The following COL14A1 variants were observed in gnomAD, a reference collection of about 807,000 sequenced individuals.
COL14A1 encodes the protein collagen alpha-1(XIV) chain.
In COL14A1, 136 loss-of-function variants were observed where a neutral mutation model predicts 230.3. That is an observed-to-expected ratio of 0.59 (90% CI 0.51 to 0.68). COL14A1 has a LOEUF of 0.68. COL14A1 is among the 30% of genes least tolerant of loss of function. The pLI is 0.00. For missense variants in COL14A1, 1,976 were observed against 2,215.8 expected (o/e 0.89, Z 2.17); for synonymous variants, 792 against 784.1 (o/e 1.01, Z -0.17).
At chr8:120,224,023 C>CTTTTTTTTTTTTTTTTTTTT (rs962510256) in intron 14 of COL14A1, among the ~76,000 whole-genome samples, 2 of 78,252 alleles carry the variant, frequency 2.6e-5, no homozygotes, top group Non-Finnish European at 2.2e-5. Context: ...CCCTCATCTC[C>CTTTTTTTTTTTTTTTTTTTT]TTTTTTTTTT....
intron 14 of COL14A1, among the ~76,000 whole-genome samples, chr8:120,216,743 T>C (rs1277198736): frequency 1.3e-5 from 2 of 152,156 alleles, no homozygotes; most frequent in Non-Finnish European, 2.9e-5. Flanking sequence ...TACTCATGTA[T>C]CTGGTGCCTG....
chr8:120,371,619 T>C lies in COL14A1; in HGVS notation c.*388T>C. ...AAATATGTCCCTAGCAGGAAAAGAA[T>C]TCAAAGAGGTTCAAAGAATATGTCA... is the stretch of plus-strand genomic sequence containing the variant. On this transcript the variant is annotated 3_prime_UTR_variant, in exon 48 of 48. Coordinates refer to ENST00000297848, the MANE Select transcript of COL14A1 (RefSeq NM_021110.4). The C allele has an allele frequency of 2.5e-6, 1 of 398,562 alleles. No homozygotes were observed. Among genetic ancestry groups the C allele is most frequent in the Non-Finnish European group, 4.4e-6 (1 of 225,864 alleles). 24.7% of individuals were successfully genotyped at this position (398,562 alleles called of 1,614,324 possible).
At chr8:120,248,917 C>CTTT (rs71571673) in intron 21 of COL14A1, among the ~76,000 whole-genome samples, 5,000 of 84,156 alleles carry the variant, frequency 0.059, 1,126 homozygotes, top group Non-Finnish European at 0.07. Flanking sequence ...TTCAATCTTT[C>CTTT]TTTTTTTTTT....
At chr8:120,132,720 AATG>A (rs1814571879) in intron 1 of COL14A1, among the ~76,000 whole-genome samples, 1 of 151,842 alleles carries the variant, frequency 6.6e-6, no homozygotes, top group Non-Finnish European at 1.5e-5. Flanking sequence ...TTCTTATTTT[AATG>A]ATATGAAATG....
At chr8:120,228,221 C>A (rs1818156559) in intron 17 of COL14A1, among the ~76,000 whole-genome samples, 1 of 152,102 alleles carries the variant, frequency 6.6e-6, no homozygotes, top group African/African-American at 2.4e-5. Flanking sequence ...GGTGTGTTGA[C>A]CCTAAAAAGA....
In COL14A1 at chr8:120,168,060, A is replaced by G. The variant is rs574097378; in HGVS notation, c.350-101A>G. 2.9e-4 allele frequency: 205 copies of G among 715,176 alleles called. 2 individuals are homozygous for G. The highest frequency in any genetic ancestry group is 1.1e-3 in the South Asian group (50 of 45,714). The allele number at this position is 715,176 out of a possible 1,614,324, so 44.3% of individuals were successfully genotyped here. On this transcript the variant is annotated intron_variant, in intron 4 of 47. Transcript: ENST00000297848. The stretch of plus-strand genomic sequence containing the variant: ...AGTTTGTACCACGGAGCTCATTTCT[A>G]TAGATACTTTTAGGGCTTTCAAGGG...
chr8:120,225,238 A>G, intron 15 of COL14A1, 24 bp downstream of exon 15: 1 of 1,607,840 alleles, frequency 6.2e-7, no homozygotes, highest in African/African-American at 1.3e-5. Context: ...TTATGGTTTG[A>G]AAAGTTTTGA....
chr8:120,203,554 CATTTTAAATAAA>C (rs1817326609), intron 8 of COL14A1, among the ~76,000 whole-genome samples, 143 bp from the exon 9 acceptor site: 2 of 151,986 alleles, frequency 1.3e-5, no homozygotes, highest in Non-Finnish European at 2.9e-5. Flanking sequence ...TTCGTGTGCG[CATTTTAAATAAA>C]ATTTTAAATA....
intron 37 of COL14A1, among the ~76,000 whole-genome samples, chr8:120,311,924 C>G (rs1172892553): frequency 6.6e-6 from 1 of 151,828 alleles, no homozygotes; most frequent in African/African-American, 2.4e-5. Flanking sequence ...ATGGTGAAAC[C>G]CTGTCTCTAC....
chr8:120,176,085 A>G (rs1816274308), intron 5 of COL14A1, among the ~76,000 whole-genome samples: 1 of 152,220 alleles, frequency 6.6e-6, no homozygotes, highest in South Asian at 2.1e-4. Context: ...CATGCGTAAA[A>G]TAGTTTAAAT....
chr8:120,189,924 G>C (rs1464417973), intron 5 of COL14A1, among the ~76,000 whole-genome samples: 1 of 151,624 alleles, frequency 6.6e-6, no homozygotes, highest in Non-Finnish European at 1.5e-5. Context: ...TTGCTATCGT[G>C]AATAGTGCCA....
At chr8:120,184,661 T>C (rs966651298) in intron 5 of COL14A1, among the ~76,000 whole-genome samples, 3 of 152,166 alleles carry the variant, frequency 2.0e-5, no homozygotes, top group Non-Finnish European at 4.4e-5. Flanking sequence ...GTAGTTTCAG[T>C]TCAAATCCAA....
chr8:120,226,645 A>G lies in COL14A1; in HGVS notation c.1883A>G (p.Gln628Arg). 6.2e-7 allele frequency: 1 copy of G among 1,613,170 alleles called. No homozygotes were observed. The change falls in exon 16 of 48, where the codon CAA becomes CGA. Residue 628 changes from glutamine to arginine, a missense_variant. This residue lies in a region of COL14A1 where 1,791 missense variants were observed against 2,019.5 expected (regional missense o/e 0.89). Transcript: ENST00000297848. Reference protein sequence around the residue: ...VFTTEEVPAQQYLEIDEVTTD... With the variant: ...VFTTEEVPAQRYLEIDEVTTD... Reference sequence around the variant, plus strand: ...TTTACAGAGGAAGTTCCAGCCCAGCAATACTTAGAAATTGATGAGGTGACG... The same window carrying G: ...TTTACAGAGGAAGTTCCAGCCCAGCGATACTTAGAAATTGATGAGGTGACG...
chr8:120,368,995 A>G (rs1000116973), intron 46 of COL14A1, among the ~76,000 whole-genome samples: 3 of 152,168 alleles, frequency 2.0e-5, no homozygotes, highest in Non-Finnish European at 4.4e-5. Flanking sequence ...TTCATAAGGA[A>G]CTGCATTGGG....
At chr8:120,192,238 A>C (rs200939669) in intron 5 of COL14A1, among the ~76,000 whole-genome samples, 6 of 152,074 alleles carry the variant, frequency 3.9e-5, no homozygotes, top group African/African-American at 1.4e-4. Context: ...TAGGGCAGGC[A>C]TGGTGGTGAC....
At chr8:120,126,748 A>G (rs1407654299) in intron 1 of COL14A1, among the ~76,000 whole-genome samples, 1 of 152,220 alleles carries the variant, frequency 6.6e-6, no homozygotes, top group Non-Finnish European at 1.5e-5. Flanking sequence ...TTCTGACAGC[A>G]TGGTCCAGTC....
chr8:120,180,015 C>T (rs920979082), intron 5 of COL14A1, among the ~76,000 whole-genome samples: 1 of 152,070 alleles, frequency 6.6e-6, no homozygotes, highest in Non-Finnish European at 1.5e-5. Flanking sequence ...GAAACTGGAC[C>T]CCTTCCTTAC....
rs113751341 is a variant in COL14A1 at position 120,260,960 on chromosome 8, G to T, written c.2870-1908G>T. On this transcript the variant is annotated intron_variant, in intron 23 of 47. Coordinates refer to ENST00000297848, the MANE Select transcript of COL14A1 (RefSeq NM_021110.4). The stretch of plus-strand genomic sequence containing the variant: ...GAAACTGAGCTTTAGAGTTCTGAAT[G>T]CAGGGGGATGAGCAGAAGTGGGTCA... Among the ~76,000 whole-genome samples, 576 of 152,288 alleles carry T rather than the reference G, an allele frequency of 3.8e-3. 2 individuals carry two copies. The highest frequency in any genetic ancestry group is 0.013 in the African/African-American group (524 of 41,564).
chr8:120,167,006 A>T (rs1008382639), intron 4 of COL14A1, among the ~76,000 whole-genome samples: 2 of 151,676 alleles, frequency 1.3e-5, no homozygotes, highest in African/African-American at 4.9e-5. Flanking sequence ...AAAAATTGTT[A>T]TAAAAATTTA....
Sources: allele counts gnomAD v4.1 joint callset (sites outside exome capture counted in the v4.1 genomes callset), GRCh38; gene constraint gnomAD v4.1.1; regional missense constraint gnomAD v4.1.1; transcripts MANE v1.5; gene names NCBI Gene and HGNC (gene_info 2026-07-23, HGNC 2026-07-21).